HS3ST5: variants seen among roughly 807,000 people sequenced by gnomAD.
HS3ST5 encodes the protein heparan sulfate glucosamine 3-O-sulfotransferase 5.
In HS3ST5, 10 loss-of-function variants were observed where a neutral mutation model predicts 25.4. The observed-to-expected ratio is 0.39, with a 90% confidence interval of 0.24 to 0.67. HS3ST5 has a LOEUF of 0.67. Ranked by LOEUF, HS3ST5 falls within the 30% of genes least tolerant of loss-of-function variation. The probability of loss-of-function intolerance (pLI) is 0.44; values close to 1 mark genes in which losing one functional copy is unlikely to be tolerated. For missense variants in HS3ST5, 324 were observed against 420.7 expected (o/e 0.77, Z 2.01); for synonymous variants, 170 against 162.4 (o/e 1.05, Z -0.36).
chr6:114,193,516 CTT>C (rs977787383), intron 2 of HS3ST5, among the ~76,000 whole-genome samples: 1 of 152,156 alleles, frequency 6.6e-6, no homozygotes, highest in African/African-American at 2.4e-5. Flanking sequence ...AGACACTAAA[CTT>C]TGGCATCATT....
intron 1 of HS3ST5, among the ~76,000 whole-genome samples, chr6:114,294,075 C>T (rs1012670900): frequency 6.6e-6 from 1 of 152,086 alleles, no homozygotes. Flanking sequence ...CAGGAGGGCA[C>T]CTAATCTCAA....
intron 1 of HS3ST5, among the ~76,000 whole-genome samples, chr6:114,286,106 A>G (rs1243072751): frequency 6.6e-6 from 1 of 152,074 alleles, no homozygotes; most frequent in African/African-American, 2.4e-5. Flanking sequence ...CTACTTTTCA[A>G]TAAAATTTCC....
intron 1 of HS3ST5, among the ~76,000 whole-genome samples, chr6:114,240,315 A>G (rs1772052551): frequency 6.6e-6 from 1 of 152,122 alleles, no homozygotes; most frequent in African/African-American, 2.4e-5. Context: ...CAATTCATAA[A>G]GCACTGGTTT....
At chr6:114,216,160 T>C (rs1781752018) in intron 2 of HS3ST5, among the ~76,000 whole-genome samples, 1 of 152,126 alleles carries the variant, frequency 6.6e-6, no homozygotes, top group South Asian at 2.1e-4. Flanking sequence ...TGACATTAGG[T>C]TTAATAAAGC....
chr6:114,273,184 G>A (rs1038745314), intron 1 of HS3ST5, among the ~76,000 whole-genome samples: 1 of 152,028 alleles, frequency 6.6e-6, no homozygotes, highest in African/African-American at 2.4e-5. Context: ...GGAGAAGGGG[G>A]TAAGTGGTCA....
In HS3ST5 at chr6:114,057,560, TG is replaced by T; in HGVS notation, c.737del (p.Pro246GlnfsTer28). The T allele has an allele frequency of 6.2e-7, 1 of 1,614,198 alleles. No homozygotes were observed. Among genetic ancestry groups the T allele is most frequent in the Non-Finnish European group, 8.5e-7 (1 of 1,180,038 alleles). On this transcript the variant is annotated frameshift_variant, in exon 5 of 5. Coordinates refer to ENST00000312719, the MANE Select transcript of HS3ST5 (RefSeq NM_153612.4). LOFTEE classifies it high-confidence loss of function. ...KHLERWLKYF[P>X]IEQFHVVDGD... is the part of the protein sequence containing the mutation. ...CATCGACGACATGAAATTGCTCAAT[TG>T]GAAAGTATTTCAACCACCTTTCCAG...
At chr6:114,137,599 G>T (rs990158121) in intron 3 of HS3ST5, among the ~76,000 whole-genome samples, 3 of 152,178 alleles carry the variant, frequency 2.0e-5, no homozygotes, top group East Asian at 3.8e-4. Flanking sequence ...TTGTCAAGTT[G>T]TGTCTCTCCT....
intron 1 of HS3ST5, among the ~76,000 whole-genome samples, chr6:114,271,166 G>A: frequency 6.6e-6 from 1 of 152,182 alleles, no homozygotes; most frequent in African/African-American, 2.4e-5. Context: ...AAAGTTCTTT[G>A]TAGTAGTTAA....
chr6:114,250,719 T>C (rs969584092), intron 1 of HS3ST5, among the ~76,000 whole-genome samples: 1 of 152,204 alleles, frequency 6.6e-6, no homozygotes, highest in Non-Finnish European at 1.5e-5. Context: ...TTTTGTTAAG[T>C]GTTAATATTC....
At chr6:114,327,971 A>G (rs1776237625) in intron 1 of HS3ST5, among the ~76,000 whole-genome samples, 1 of 152,142 alleles carries the variant, frequency 6.6e-6, no homozygotes, top group Non-Finnish European at 1.5e-5. Context: ...TTCCATCAGT[A>G]TAGGCTCACA....
In HS3ST5 at chr6:114,243,600, T is replaced by C. The variant is rs555617138; in HGVS notation, c.-338-14822A>G. ...AAGTGCTGGATTTGTTAAATCCAGA[T>C]GTAGGTGTTCCTAGATTTTGTTTTT... is the stretch of plus-strand genomic sequence containing the variant. On this transcript the variant is annotated intron_variant, in intron 1 of 4. Coordinates refer to ENST00000312719, the MANE Select transcript of HS3ST5 (RefSeq NM_153612.4). Among the ~76,000 whole-genome samples, 47 of 152,364 alleles carry C rather than the reference T, an allele frequency of 3.1e-4. No homozygotes were observed. In the South Asian group the frequency reaches 9.1e-3, roughly 30 times the overall value.
At chr6:114,087,761 T>C (rs9488322) in intron 3 of HS3ST5, among the ~76,000 whole-genome samples, 105,764 of 152,058 alleles carry the variant, frequency 0.7, 37,081 homozygotes, top group Admixed American at 0.76. Context: ...TCGACCACCA[T>C]GCTTCAAAAC....
intron 2 of HS3ST5, among the ~76,000 whole-genome samples, chr6:114,172,960 A>T (rs1488756639): frequency 6.7e-6 from 1 of 149,598 alleles, no homozygotes; most frequent in Non-Finnish European, 1.5e-5. Flanking sequence ...TTTGGAATAT[A>T]AAAAAAAGTA....
chr6:114,276,989 T>G (rs1266365212), intron 1 of HS3ST5, among the ~76,000 whole-genome samples: 1 of 151,956 alleles, frequency 6.6e-6, no homozygotes, highest in East Asian at 1.9e-4. Flanking sequence ...AAGGGAGTGG[T>G]GCATTTGGCA....
intron 3 of HS3ST5, among the ~76,000 whole-genome samples, chr6:114,069,561 C>T (rs1308413011): frequency 6.7e-6 from 1 of 150,146 alleles, no homozygotes; most frequent in Non-Finnish European, 1.5e-5. Context: ...GCTCTGTCGC[C>T]AGGCTGGATT....
At chr6:114,173,601 G>A (rs1473220080) in intron 2 of HS3ST5, among the ~76,000 whole-genome samples, 1 of 152,174 alleles carries the variant, frequency 6.6e-6, no homozygotes, top group Non-Finnish European at 1.5e-5. Context: ...GCTCATGCCT[G>A]TAATCCCAGC....
chr6:114,324,197 A>G (rs187072565), intron 1 of HS3ST5, among the ~76,000 whole-genome samples: 1 of 152,356 alleles, frequency 6.6e-6, no homozygotes, highest in East Asian at 1.9e-4. Context: ...GCCAGGTGCC[A>G]TTGGCACCCA....
Position 114,198,377 on chromosome 6 carries a change from A to G in HS3ST5, c.-144-29915T>C, listed in dbSNP as rs184187583. Reference sequence around the variant, plus strand: ...GAAAACATATTTGAGAATATAATCAATGAAAATGTTCCCAATTTTGCTAGA... The same window carrying G: ...GAAAACATATTTGAGAATATAATCAGTGAAAATGTTCCCAATTTTGCTAGA... On this transcript the variant is annotated intron_variant, in intron 2 of 4. Coordinates refer to ENST00000312719, the MANE Select transcript of HS3ST5 (RefSeq NM_153612.4). Among the ~76,000 whole-genome samples, 15 of 152,352 alleles carry G rather than the reference A, an allele frequency of 9.8e-5. No individual in the cohort carries two copies. The East Asian group carries it at 2.7e-3, about 27-fold the overall frequency.
Position 114,318,993 on chromosome 6 carries a change from G to T in HS3ST5, c.-339+23202C>A, listed in dbSNP as rs1188495859. Among the ~76,000 whole-genome samples the T allele has an allele frequency of 4.0e-5, 6 of 151,814 alleles. No individual in the cohort carries two copies. The East Asian group carries it at 1.2e-3, about 29-fold the overall frequency. ...TCTTAGCAGTTTTTTGTTTTGCTTT[G>T]TTATTTGTTTGCAAAAAACAAAACA... On this transcript the variant is annotated intron_variant, in intron 1 of 4. Coordinates refer to ENST00000312719, the MANE Select transcript of HS3ST5 (RefSeq NM_153612.4).
Sources: allele counts gnomAD v4.1 joint callset (sites outside exome capture counted in the v4.1 genomes callset), GRCh38; gene constraint gnomAD v4.1.1; transcripts MANE v1.5; gene names NCBI Gene and HGNC (gene_info 2026-07-23, HGNC 2026-07-21).